Variants in GRID2 observed in about 807,000 individuals in gnomAD.
GRID2 encodes glutamate ionotropic receptor delta type subunit 2.
GRID2 carries 33 observed loss-of-function variants against 114.8 expected under a neutral mutation model. The ratio of observed to expected loss-of-function variants is 0.29; its 90% confidence interval spans 0.22 to 0.38. GRID2 has a LOEUF of 0.38. GRID2 is among the 10% of genes least tolerant of loss of function. The pLI is 1.00. For missense variants in GRID2, 1,184 were observed against 1,257.7 expected (o/e 0.94, Z 0.89); for synonymous variants, 505 against 449.9 (o/e 1.12, Z -1.55).
chr4:93,063,739 A>T (rs997723998), intron 2 of GRID2, among the ~76,000 whole-genome samples: 1 of 151,846 alleles, frequency 6.6e-6, no homozygotes, highest in Admixed American at 6.6e-5. Context: ...AAAAATTTTA[A>T]TGTTTCTAAG....
chr4:93,681,613 A>G (rs1725547177), intron 14 of GRID2, among the ~76,000 whole-genome samples: 1 of 152,228 alleles, frequency 6.6e-6, no homozygotes, highest in South Asian at 2.1e-4. Context: ...CAGAGCCCTC[A>G]TAAGTAATAC....
At chr4:92,756,104 A>G (rs1215347816) in intron 2 of GRID2, among the ~76,000 whole-genome samples, 1 of 152,104 alleles carries the variant, frequency 6.6e-6, no homozygotes, top group Non-Finnish European at 1.5e-5. Context: ...CCACCCCTGC[A>G]TCCTTCCCAG....
chr4:92,736,549 C>A (rs1341078389), intron 2 of GRID2, among the ~76,000 whole-genome samples: 1 of 152,032 alleles, frequency 6.6e-6, no homozygotes, highest in Admixed American at 6.6e-5. Flanking sequence ...TTTAACCTAT[C>A]GAATGTCCTA....
intron 1 of GRID2, among the ~76,000 whole-genome samples, chr4:92,534,184 T>A (rs1560694368): frequency 6.6e-6 from 1 of 152,086 alleles, no homozygotes; most frequent in Non-Finnish European, 1.5e-5. Flanking sequence ...GGATCCAGCG[T>A]TTGATCTAAG....
chr4:93,133,919 C>G (rs907652374), intron 4 of GRID2, among the ~76,000 whole-genome samples: 3 of 152,010 alleles, frequency 2.0e-5, no homozygotes, highest in Non-Finnish European at 4.4e-5. Flanking sequence ...AATATTTAGG[C>G]AAATAGAAAA....
intron 1 of GRID2, among the ~76,000 whole-genome samples, chr4:92,313,280 A>C (rs1725802102): frequency 6.6e-6 from 1 of 152,112 alleles, no homozygotes. Flanking sequence ...CTAAGCTATG[A>C]GGACACAAAG....
At chr4:92,832,772 G>C (rs1373841193) in intron 2 of GRID2, among the ~76,000 whole-genome samples, 1 of 152,020 alleles carries the variant, frequency 6.6e-6, no homozygotes, top group Non-Finnish European at 1.5e-5. Context: ...GGACAACAGA[G>C]ACTCTGTCAC....
At chr4:93,231,294 A>G (rs1337665306) in intron 7 of GRID2, among the ~76,000 whole-genome samples, 3 of 151,202 alleles carry the variant, frequency 2.0e-5, no homozygotes, top group Non-Finnish European at 2.9e-5. Context: ...CACTTCATTC[A>G]TGTATTAATC....
At chr4:93,524,878 A>G (rs1730729912) in intron 13 of GRID2, among the ~76,000 whole-genome samples, 1 of 139,936 alleles carries the variant, frequency 7.1e-6, no homozygotes, top group Admixed American at 7.4e-5. Context: ...ATTATACTGG[A>G]TGCTGATGCA....
intron 14 of GRID2, among the ~76,000 whole-genome samples, chr4:93,716,331 A>T (rs1224117749): frequency 1.3e-5 from 2 of 152,184 alleles, no homozygotes; most frequent in Non-Finnish European, 2.9e-5. Flanking sequence ...TTAAAATTGA[A>T]TTATCATTGC....
In GRID2 at chr4:93,577,781, C is replaced by T. The variant is rs1279738880; in HGVS notation, c.2194-48488C>T. On this transcript the variant is annotated intron_variant, in intron 13 of 15. Transcript: ENST00000282020. ...CTGAAGTGTTCTGTGCTTTATAAAGCGTGCAAGTAGTTTTGTCAGCTTTCT... is the reference window on the plus strand; with the variant it reads ...CTGAAGTGTTCTGTGCTTTATAAAGTGTGCAAGTAGTTTTGTCAGCTTTCT... Among the ~76,000 whole-genome samples, 4 of 152,138 alleles carry T rather than the reference C, an allele frequency of 2.6e-5. No individual in the cohort carries two copies. In the East Asian group the frequency reaches 5.8e-4, roughly 22 times the overall value.
intron 10 of GRID2, among the ~76,000 whole-genome samples, chr4:93,428,188 C>T (rs1013220688): frequency 1.9e-4 from 29 of 151,932 alleles, no homozygotes; most frequent in African/African-American, 6.8e-4. Flanking sequence ...GTATATTCAG[C>T]ACAGAAAAAT....
intron 2 of GRID2, among the ~76,000 whole-genome samples, chr4:92,714,280 C>T (rs749391787): frequency 6.6e-6 from 1 of 152,184 alleles, no homozygotes; most frequent in Non-Finnish European, 1.5e-5. Flanking sequence ...CACGCTGATG[C>T]AAGAAGTGGG....
At chr4:93,101,507 A>T (rs1216080143) in intron 3 of GRID2, among the ~76,000 whole-genome samples, 1 of 152,072 alleles carries the variant, frequency 6.6e-6, no homozygotes, top group Non-Finnish European at 1.5e-5. Flanking sequence ...ATATCTGCTT[A>T]GATGCTGACC....
intron 2 of GRID2, among the ~76,000 whole-genome samples, chr4:92,666,189 C>T (rs955230223): frequency 6.6e-6 from 1 of 151,486 alleles, no homozygotes; most frequent in Non-Finnish European, 1.5e-5. Flanking sequence ...TCAAAACTAC[C>T]TTTCAAACAG....
chr4:92,318,622 C>G (rs1407721830), intron 1 of GRID2, among the ~76,000 whole-genome samples: 2 of 147,490 alleles, frequency 1.4e-5, no homozygotes, highest in Non-Finnish European at 3.0e-5. Context: ...TCAGGCGATG[C>G]TCCCACCTCA....
chr4:92,478,325 A>T (rs1313576629), intron 1 of GRID2, among the ~76,000 whole-genome samples: 1 of 152,124 alleles, frequency 6.6e-6, no homozygotes, highest in Non-Finnish European at 1.5e-5. Flanking sequence ...CCTACAACTT[A>T]AATTTTGTAT....
At chr4:92,676,118 T>C (rs1286113828) in intron 2 of GRID2, among the ~76,000 whole-genome samples, 4 of 147,602 alleles carry the variant, frequency 2.7e-5, no homozygotes, top group African/African-American at 7.5e-5. Flanking sequence ...AATCAGTATT[T>C]AAATCAGTTC....
chr4:93,116,615 C>G (rs1385665387), intron 4 of GRID2, among the ~76,000 whole-genome samples: 1 of 152,144 alleles, frequency 6.6e-6, no homozygotes, highest in South Asian at 2.1e-4. Context: ...CTTTCCTGCT[C>G]TGTTTCTGGT....
Sources: allele counts gnomAD v4.1 joint callset (sites outside exome capture counted in the v4.1 genomes callset), GRCh38; gene constraint gnomAD v4.1.1; transcripts MANE v1.5; gene names NCBI Gene and HGNC (gene_info 2026-07-23, HGNC 2026-07-21).